Variants in IL23R observed in about 807,000 individuals in gnomAD.
IL23R encodes interleukin 23 receptor.
In IL23R, 34 loss-of-function variants were observed where a neutral mutation model predicts 56.9. The observed-to-expected ratio is 0.60, with a 90% CI of 0.45 to 0.80. The LOEUF (loss-of-function observed/expected upper bound fraction) is 0.80. Ranked by LOEUF, IL23R falls within the 30% of genes least tolerant of loss-of-function variation. IL23R has a pLI of 0.00. For synonymous variants in IL23R, 230 were observed against 249.2 expected (o/e 0.92, Z 0.73); for missense variants, 635 against 730.0 (o/e 0.87, Z 1.50).
rs1246211594 is a variant in IL23R at position 67,259,536 on chromosome 1, T to A, written c.*408T>A. ...AGCATTATGTGGACGCCTCATGTATTTTTTATAGAGTCAACTATTTCCTCT... is the reference window on the plus strand; with the variant it reads ...AGCATTATGTGGACGCCTCATGTATATTTTATAGAGTCAACTATTTCCTCT... On this transcript the variant is annotated 3_prime_UTR_variant, in exon 11 of 11. Coordinates refer to ENST00000347310, the MANE Select transcript of IL23R (RefSeq NM_144701.3). 6.2e-5 allele frequency: 14 copies of A among 225,236 alleles called. No individual in the cohort carries two copies. The highest frequency in any genetic ancestry group is 5.3e-5 in the Non-Finnish European group (6 of 114,038). 14.0% of individuals were successfully genotyped at this position (225,236 alleles called of 1,614,324 possible). A position where few individuals can be genotyped will look rare whatever the true frequency, so the allele number is the denominator to read the frequency against.
At chr1:67,200,537 C>T (rs1648546417) in intron 4 of IL23R, among the ~76,000 whole-genome samples, 200 bp from the exon 5 acceptor site, 1 of 151,560 alleles carries the variant, frequency 6.6e-6, no homozygotes, top group South Asian at 2.1e-4. Context: ...GGATTACAGG[C>T]ACATGCCACC....
At chr1:67,218,299 T>C (rs1275167555) in intron 6 of IL23R, among the ~76,000 whole-genome samples, 1 of 148,468 alleles carries the variant, frequency 6.7e-6, no homozygotes, top group Non-Finnish European at 1.5e-5. Context: ...TACATATACA[T>C]ATATACATAT....
intron 1 of IL23R, among the ~76,000 whole-genome samples, chr1:67,161,417 G>A (rs1553281557): frequency 6.6e-6 from 1 of 151,890 alleles, no homozygotes. Context: ...GCAAAAGGAA[G>A]AAAAAAATCA....
At chr1:67,235,810 TATCTC>T (rs1651435300) in intron 7 of IL23R, among the ~76,000 whole-genome samples, 1 of 152,238 alleles carries the variant, frequency 6.6e-6, no homozygotes, top group Non-Finnish European at 1.5e-5. Flanking sequence ...AAGCCTGTGA[TATCTC>T]AGCCTCAAGT....
At chr1:67,220,387 AAATAAT>A (rs1322878909) in intron 7 of IL23R, among the ~76,000 whole-genome samples, 16 of 151,914 alleles carry the variant, frequency 1.1e-4, no homozygotes, top group Non-Finnish European at 2.1e-4. Context: ...ATAAAAATAA[AAATAAT>A]AATAATAAAT....
chr1:67,188,303 A>G (rs1647494776), intron 4 of IL23R, among the ~76,000 whole-genome samples: 1 of 152,132 alleles, frequency 6.6e-6, no homozygotes, highest in Admixed American at 6.5e-5. Context: ...AGAGCAAAGG[A>G]GTTCCTCCTG....
chr1:67,225,050 CACCCATGTTAT>C (rs1650525078), intron 7 of IL23R, among the ~76,000 whole-genome samples: 2 of 152,156 alleles, frequency 1.3e-5, no homozygotes, highest in Non-Finnish European at 2.9e-5. Context: ...GGGATTCCAG[CACCCATGTTAT>C]TTATAGCTCT....
At chr1:67,242,541 C>T (rs1190911514) in intron 9 of IL23R, among the ~76,000 whole-genome samples, 1 of 152,104 alleles carries the variant, frequency 6.6e-6, no homozygotes, top group Non-Finnish European at 1.5e-5. Flanking sequence ...GAGAAGCTGT[C>T]CTGGTTAGCT....
At chr1:67,260,368 C>T (rs1653164121), downstream of IL23R, among the ~76,000 whole-genome samples, 1 of 151,992 alleles carries the variant, frequency 6.6e-6, no homozygotes, top group Admixed American at 6.6e-5. Flanking sequence ...GTTTACAAAC[C>T]AGATATATGT....
intron 1 of IL23R, among the ~76,000 whole-genome samples, chr1:67,150,248 C>CTTTTTTTTTTTTTTTTTTTTTTTTTT (rs552806817): frequency 9.1e-6 from 1 of 110,266 alleles, no homozygotes; most frequent in Non-Finnish European, 1.8e-5. Flanking sequence ...GCATTTCGAA[C>CTTTTTTTTTTTTTTTTTTTTTTTTTT]TTTTTTTTTT....
At chr1:67,139,704 C>T (rs1295385912) in intron 1 of IL23R, among the ~76,000 whole-genome samples, 1 of 152,062 alleles carries the variant, frequency 6.6e-6, no homozygotes, top group Non-Finnish European at 1.5e-5. Flanking sequence ...GAGGTGAGGC[C>T]TTAATTTATA....
intron 5 of IL23R, 21 bp from the exon 6 acceptor site, chr1:67,206,889 T>TC (rs1649106762): frequency 1.3e-6 from 2 of 1,488,228 alleles, no homozygotes; most frequent in East Asian, 2.5e-5. Flanking sequence ...CAGGTCTTTT[T>TC]TTTTTTTTTT....
intron 9 of IL23R, among the ~76,000 whole-genome samples, chr1:67,248,278 A>G (rs1652375379): frequency 6.6e-6 from 1 of 152,104 alleles, no homozygotes; most frequent in Admixed American, 6.5e-5. Flanking sequence ...GTCTTTTCAC[A>G]TATTCCCATA....
intron 5 of IL23R, among the ~76,000 whole-genome samples, chr1:67,205,220 A>C (rs1648919236): frequency 6.6e-6 from 1 of 152,166 alleles, no homozygotes; most frequent in Admixed American, 6.5e-5. Flanking sequence ...GTAGCCCCCA[A>C]AATTTTATTA....
chr1:67,174,447 T>C (rs1204109467), intron 3 of IL23R, among the ~76,000 whole-genome samples: 10 of 151,880 alleles, frequency 6.6e-5, no homozygotes. Flanking sequence ...TGGTAAGCAA[T>C]TTGCAGGTGA....
At chr1:67,236,563 G>A (rs923793298) in intron 7 of IL23R, 150 bp from the exon 8 acceptor site, 21 of 654,830 alleles carry the variant, frequency 3.2e-5, no homozygotes, top group African/African-American at 2.6e-4. Flanking sequence ...ACACATACTC[G>A]AAGACTATTG....
chr1:67,210,045 T>G (rs10889669), intron 6 of IL23R, among the ~76,000 whole-genome samples: 46,469 of 152,090 alleles, frequency 0.31, 7,564 homozygotes, highest in South Asian at 0.56. Context: ...TGAATGTTTC[T>G]TTTTAAGTGA....
intron 9 of IL23R, among the ~76,000 whole-genome samples, chr1:67,254,838 T>C (rs1652852166): frequency 6.6e-6 from 1 of 152,216 alleles, no homozygotes; most frequent in Admixed American, 6.5e-5. Context: ...TTAAACACAA[T>C]GGCAGTGCTA....
At chr1:67,264,394 GA>G (rs1372713486), downstream of IL23R, among the ~76,000 whole-genome samples, 1 of 152,156 alleles carries the variant, frequency 6.6e-6, no homozygotes, top group African/African-American at 2.4e-5. Context: ...ATCTCTTTAT[GA>G]AGCAATTATA....
Sources: allele counts gnomAD v4.1 joint callset (sites outside exome capture counted in the v4.1 genomes callset), GRCh38; gene constraint gnomAD v4.1.1; transcripts MANE v1.5; gene names NCBI Gene and HGNC (gene_info 2026-07-23, HGNC 2026-07-21).